The following MAGI2 variants were observed in gnomAD, a reference collection of about 807,000 sequenced individuals.
The protein encoded by MAGI2 is membrane associated guanylate kinase, WW and PDZ domain containing 2, also known as membrane-associated guanylate kinase, WW and PDZ domain-containing protein 2.
MAGI2 carries 35 observed loss-of-function variants against 133.3 expected under a neutral mutation model. That is an observed-to-expected ratio of 0.26 (90% CI 0.20 to 0.35). MAGI2 has a LOEUF of 0.35. Among genes scored for constraint, MAGI2 ranks in the 10% least tolerant of loss-of-function variants. The probability of loss-of-function intolerance (pLI) is 1.00; values close to 1 mark genes in which losing one functional copy is unlikely to be tolerated. For synonymous variants in MAGI2, 729 were observed against 710.6 expected (o/e 1.03, Z -0.41); for missense variants, 1,636 against 1,863.4 (o/e 0.88, Z 2.25).
intron 1 of MAGI2, among the ~76,000 whole-genome samples, chr7:79,249,417 A>G (rs1475531615): frequency 6.6e-6 from 1 of 152,076 alleles, no homozygotes; most frequent in Admixed American, 6.5e-5. Flanking sequence ...AAAAAGAGAA[A>G]AAGATTTAAA....
chr7:78,322,632 G>T, intron 9 of MAGI2, among the ~76,000 whole-genome samples: 1 of 152,020 alleles, frequency 6.6e-6, no homozygotes, highest in East Asian at 1.9e-4. Flanking sequence ...ATAGGGGAGG[G>T]ATAGCATTAG....
chr7:79,341,222 A>G (rs1381017873), intron 1 of MAGI2, among the ~76,000 whole-genome samples: 1 of 152,194 alleles, frequency 6.6e-6, no homozygotes, highest in Non-Finnish European at 1.5e-5. Context: ...CTCAGTGGAA[A>G]TAAATGTTTT....
chr7:79,318,921 C>T (rs1174045213), intron 1 of MAGI2, among the ~76,000 whole-genome samples: 1 of 152,088 alleles, frequency 6.6e-6, no homozygotes, highest in African/African-American at 2.4e-5. Context: ...CATCATTTCC[C>T]CATATCCCAT....
intron 1 of MAGI2, among the ~76,000 whole-genome samples, chr7:79,215,541 T>G (rs911575524): frequency 6.6e-6 from 1 of 151,976 alleles, no homozygotes; most frequent in Non-Finnish European, 1.5e-5. Context: ...AGACATTACT[T>G]TCTATTGATT....
intron 9 of MAGI2, among the ~76,000 whole-genome samples, chr7:78,329,452 C>T (rs1033352445): frequency 6.6e-6 from 1 of 152,226 alleles, no homozygotes; most frequent in African/African-American, 2.4e-5. Flanking sequence ...TTATATTCCA[C>T]ATACCTGTGG....
intron 1 of MAGI2, among the ~76,000 whole-genome samples, chr7:79,031,922 C>G (rs1810615808): frequency 6.6e-6 from 1 of 151,936 alleles, no homozygotes; most frequent in South Asian, 2.1e-4. Flanking sequence ...TAAAAATAAT[C>G]CTTACTATTT....
chr7:78,723,349 G>T (rs1820443080), intron 2 of MAGI2, among the ~76,000 whole-genome samples: 1 of 152,096 alleles, frequency 6.6e-6, no homozygotes, highest in South Asian at 2.1e-4. Context: ...ATTCAAGAAG[G>T]CCTGGGCCCT....
At chr7:78,085,583 A>ACACACACACAC (rs59163698) in intron 20 of MAGI2, among the ~76,000 whole-genome samples, 5 of 105,262 alleles carry the variant, frequency 4.8e-5, no homozygotes, top group African/African-American at 9.4e-5. Flanking sequence ...CACACACACA[A>ACACACACACAC]ACAAAACAAA....
rs918919157 is a variant in MAGI2 at position 78,377,641 on chromosome 7, AAAT to A, written c.1046-8431_1046-8429del. Among the ~76,000 whole-genome samples, 1,105 of 150,620 alleles carry A rather than the reference AAAT, an allele frequency of 7.3e-3. 14 individuals carry two copies. Among genetic ancestry groups the A allele is most frequent in the African/African-American group, 0.025 (1,030 of 41,016 alleles). On this transcript the variant is annotated intron_variant, in intron 6 of 21. Coordinates refer to ENST00000354212, the MANE Select transcript of MAGI2 (RefSeq NM_012301.4). ...TAAGACACACCAACTACTCTGCAAA[AAAT>A]AATAATAATAATAAAAAATAAAAAA...
At chr7:78,160,475 C>A (rs973354919) in intron 15 of MAGI2, among the ~76,000 whole-genome samples, 14 of 152,230 alleles carry the variant, frequency 9.2e-5, no homozygotes, top group African/African-American at 3.1e-4. Context: ...TCCTAGTTTT[C>A]ATAGCAAACA....
At chr7:78,343,199 C>T (rs925236129) in intron 9 of MAGI2, among the ~76,000 whole-genome samples, 1 of 152,034 alleles carries the variant, frequency 6.6e-6, no homozygotes, top group Non-Finnish European at 1.5e-5. Flanking sequence ...AGCAATTTGC[C>T]TCTGTATTTC....
chr7:79,388,631 C>A (rs997260696), intron 1 of MAGI2, among the ~76,000 whole-genome samples: 13 of 150,742 alleles, frequency 8.6e-5, no homozygotes, highest in African/African-American at 2.9e-4. Flanking sequence ...GTTGCCTCAC[C>A]CTTTGACAAT....
At chr7:78,412,513 AG>A in intron 6 of MAGI2, among the ~76,000 whole-genome samples, 1 of 152,190 alleles carries the variant, frequency 6.6e-6, no homozygotes, top group Non-Finnish European at 1.5e-5. Flanking sequence ...GGAAGGATAA[AG>A]TAACAAGTAA....
At chr7:78,420,011 C>T (rs751279497) in intron 6 of MAGI2, among the ~76,000 whole-genome samples, 2 of 152,132 alleles carry the variant, frequency 1.3e-5, no homozygotes, top group African/African-American at 2.4e-5. Flanking sequence ...CATTGGGGTA[C>T]ACTAGCTGTT....
At chr7:78,630,224 T>A (rs62470073) in intron 2 of MAGI2, among the ~76,000 whole-genome samples, 3 of 142,994 alleles carry the variant, frequency 2.1e-5, no homozygotes, top group Non-Finnish European at 4.6e-5. Context: ...TGATTTTTTT[T>A]AAAAAATGAG....
chr7:78,186,999 T>TA (rs2150711975), intron 12 of MAGI2, among the ~76,000 whole-genome samples: 1 of 152,202 alleles, frequency 6.6e-6, no homozygotes, highest in Non-Finnish European at 1.5e-5. Context: ...CTCAAGAAGC[T>TA]AAAGATCTAC....
At chr7:78,262,576 T>TC (rs1172510503) in intron 9 of MAGI2, among the ~76,000 whole-genome samples, 1 of 152,122 alleles carries the variant, frequency 6.6e-6, no homozygotes, top group Non-Finnish European at 1.5e-5. Context: ...GACTTAGAAG[T>TC]CAGGGGGTTT....
At chr7:78,532,900 A>T (rs971488454) in intron 3 of MAGI2, among the ~76,000 whole-genome samples, 8 of 152,266 alleles carry the variant, frequency 5.3e-5, no homozygotes, top group Non-Finnish European at 8.8e-5. Flanking sequence ...TGACAAAGAA[A>T]ACTCTGAACT....
At chr7:78,983,210 A>G (rs891601631) in intron 2 of MAGI2, among the ~76,000 whole-genome samples, 6 of 152,006 alleles carry the variant, frequency 3.9e-5, no homozygotes, top group Non-Finnish European at 8.8e-5. Context: ...ATTGTATTTT[A>G]ATGAACAGTA....
Sources: allele counts gnomAD v4.1 joint callset (sites outside exome capture counted in the v4.1 genomes callset), GRCh38; gene constraint gnomAD v4.1.1; transcripts MANE v1.5; gene names NCBI Gene and HGNC (gene_info 2026-07-23, HGNC 2026-07-21).